SAMD12: variants seen among roughly 807,000 people sequenced by gnomAD.
SAMD12 encodes sterile alpha motif domain-containing protein 12.
Under a neutral mutation model 15.0 loss-of-function variants are expected in SAMD12, and 9 were observed. That is an observed-to-expected ratio of 0.60 (90% CI 0.36 to 1.05). The LOEUF (loss-of-function observed/expected upper bound fraction) is 1.05, where lower values mean the gene tolerates loss of function less well. Among genes scored for constraint, SAMD12 ranks in the 50% least tolerant of loss-of-function variants. The pLI, the probability that SAMD12 is intolerant of heterozygous loss-of-function variation, is 0.01. For synonymous variants in SAMD12, 86 were observed against 90.1 expected (o/e 0.96, Z 0.25); for missense variants, 230 against 234.2 (o/e 0.98, Z 0.12).
chr8:118,317,185 T>C (rs960290099), intron 4 of SAMD12, among the ~76,000 whole-genome samples: 2 of 152,060 alleles, frequency 1.3e-5, no homozygotes, highest in Non-Finnish European at 2.9e-5. Flanking sequence ...ATCCCCAGAA[T>C]TGTAAGAAAA....
intron 4 of SAMD12, among the ~76,000 whole-genome samples, chr8:118,244,950 C>G (rs1812652671): frequency 6.6e-6 from 1 of 152,084 alleles, no homozygotes. Context: ...CTTCCTGGCA[C>G]ACATTCTCAA....
At chr8:118,572,735 CTCTT>C (rs1367444316) in intron 2 of SAMD12, among the ~76,000 whole-genome samples, 2 of 152,126 alleles carry the variant, frequency 1.3e-5, no homozygotes, top group East Asian at 3.9e-4. Flanking sequence ...ACAATTAAAC[CTCTT>C]TCTTTTGTAA....
At chr8:118,621,128 G>A (rs1828391577) in intron 1 of SAMD12, 1 of 152,354 alleles carries the variant, frequency 6.6e-6, no homozygotes, top group Admixed American at 6.5e-5. Context: ...CAAAGCCGAA[G>A]CTCAAGACTG....
chr8:118,370,612 G>C (rs747111219), intron 4 of SAMD12, among the ~76,000 whole-genome samples: 13 of 152,128 alleles, frequency 8.5e-5, no homozygotes, highest in Non-Finnish European at 1.8e-4. Flanking sequence ...ACATAAAAAG[G>C]AATGAGATAA....
intron 2 of SAMD12, among the ~76,000 whole-genome samples, chr8:118,552,322 A>T (rs2131184884): frequency 6.6e-6 from 1 of 152,320 alleles, no homozygotes; most frequent in Non-Finnish European, 1.5e-5. Flanking sequence ...CAAAAAGCTT[A>T]TCCACCATGA....
chr8:118,159,542 C>CGCCA, the SAMD12 span, among the ~76,000 whole-genome samples: 6 of 152,098 alleles, frequency 3.9e-5, no homozygotes, highest in African/African-American at 1.2e-4. Context: ...TGGGCAAAGG[C>CGCCA]GCCAACTGCC....
At chr8:118,315,483 G>A (rs902522413) in intron 4 of SAMD12, among the ~76,000 whole-genome samples, 11 of 152,098 alleles carry the variant, frequency 7.2e-5, no homozygotes, top group Non-Finnish European at 1.6e-4. Context: ...AGGCATCTGT[G>A]GGGTGAAGAA....
At chr8:118,513,939 G>A (rs1825156051) in intron 2 of SAMD12, among the ~76,000 whole-genome samples, 1 of 152,124 alleles carries the variant, frequency 6.6e-6, no homozygotes, top group Admixed American at 6.5e-5. Context: ...ATTTCTTTGT[G>A]GGAATTCAGG....
chr8:118,301,107 T>A (rs907803470), intron 4 of SAMD12, among the ~76,000 whole-genome samples: 7 of 152,220 alleles, frequency 4.6e-5, no homozygotes, highest in Non-Finnish European at 8.8e-5. Context: ...GAAGCAGGAT[T>A]ATATAGACTA....
intron 1 of SAMD12, among the ~76,000 whole-genome samples, chr8:118,615,376 T>C (rs144006468): frequency 2.0e-4 from 30 of 152,226 alleles, no homozygotes; most frequent in African/African-American, 7.2e-4. Flanking sequence ...GCTTCTCTTG[T>C]CTCCTTCCCC....
chr8:118,296,803 G>A (rs1814737055), intron 4 of SAMD12, among the ~76,000 whole-genome samples: 1 of 152,214 alleles, frequency 6.6e-6, no homozygotes. Context: ...TAATTATTAA[G>A]TGTTGGTTCA....
chr8:118,573,148 G>A (rs993754148), intron 2 of SAMD12, among the ~76,000 whole-genome samples: 89 of 152,174 alleles, frequency 5.8e-4, no homozygotes, highest in African/African-American at 1.8e-3. Flanking sequence ...GCAATGGTGC[G>A]TTCCTGGCTC....
intron 3 of SAMD12, among the ~76,000 whole-genome samples, chr8:118,413,675 G>A (rs1244927461): frequency 3.9e-5 from 6 of 152,126 alleles, no homozygotes; most frequent in Non-Finnish European, 8.8e-5. Flanking sequence ...GAAGACAAGT[G>A]TCTTGTGTCA....
At chr8:118,617,741 T>C (rs1828272988) in intron 1 of SAMD12, among the ~76,000 whole-genome samples, 1 of 152,130 alleles carries the variant, frequency 6.6e-6, no homozygotes, top group African/African-American at 2.4e-5. Flanking sequence ...CTCGTGCATT[T>C]ATATGTCATT....
At chr8:118,237,458 C>T (rs186697138) in intron 4 of SAMD12, among the ~76,000 whole-genome samples, 130 of 152,178 alleles carry the variant, frequency 8.5e-4, no homozygotes, top group African/African-American at 2.7e-3. Context: ...GGTTGTGGTC[C>T]TAATAGCTAT....
At chr8:118,547,604 C>T (rs553455668) in intron 2 of SAMD12, among the ~76,000 whole-genome samples, 2 of 152,180 alleles carry the variant, frequency 1.3e-5, no homozygotes, top group African/African-American at 4.8e-5. Context: ...GATCTATCCA[C>T]ACTGCTGTCT....
chr8:118,579,749 C>A (rs1827236865), intron 2 of SAMD12, among the ~76,000 whole-genome samples: 1 of 152,198 alleles, frequency 6.6e-6, no homozygotes, highest in Non-Finnish European at 1.5e-5. Flanking sequence ...GCTCAACCAA[C>A]ATTTGAAAGG....
the SAMD12 span, among the ~76,000 whole-genome samples, chr8:118,136,249 C>T: frequency 6.6e-6 from 1 of 151,874 alleles, no homozygotes; most frequent in Non-Finnish European, 1.5e-5. Context: ...AGGCTGGTCT[C>T]GAACTCCTGA....
intron 2 of SAMD12, among the ~76,000 whole-genome samples, chr8:118,509,817 T>C (rs113954679): frequency 1.2e-4 from 18 of 152,328 alleles, no homozygotes; most frequent in African/African-American, 3.8e-4. Flanking sequence ...TTGTCTTAGA[T>C]TATAAATGTT....
Sources: allele counts gnomAD v4.1 joint callset (sites outside exome capture counted in the v4.1 genomes callset), GRCh38; gene constraint gnomAD v4.1.1; transcripts MANE v1.5; gene names NCBI Gene and HGNC (gene_info 2026-07-23, HGNC 2026-07-21).